OR4Q3: variants seen among roughly 807,000 people sequenced by gnomAD.
OR4Q3 encodes the protein olfactory receptor family 4 subfamily Q member 3.
In OR4Q3, 17 loss-of-function variants were observed where a neutral mutation model predicts 18.8. The ratio of observed to expected loss-of-function variants is 0.91; its 90% CI spans 0.62 to 1.36. The LOEUF is 1.36. OR4Q3 is among the 40% of genes most tolerant of loss of function. The pLI, the probability that OR4Q3 is intolerant of heterozygous loss-of-function variation, is 0.00. For synonymous variants in OR4Q3, 158 were observed against 145.8 expected (o/e 1.08, Z -0.60); for missense variants, 378 against 373.4 (o/e 1.01, Z -0.10).
At chr14:19,745,505 A>T in intron 1 of OR4Q3, among the ~76,000 whole-genome samples, 4 of 152,170 alleles carry the variant, frequency 2.6e-5, no homozygotes, top group East Asian at 3.8e-4. Context: ...AAATTATAAC[A>T]TTGTGTAGGA....
downstream of OR4Q3, among the ~76,000 whole-genome samples, chr14:19,750,488 AC>A: frequency 3.9e-5 from 6 of 152,228 alleles, no homozygotes; most frequent in African/African-American, 1.4e-4. Flanking sequence ...ATATTTTGTC[AC>A]TTTATCTCCT....
At chr14:19,748,582 G>A in exon 2 of OR4Q3, 1 of 516,614 alleles carries the variant, frequency 1.9e-6, no homozygotes, top group East Asian at 3.0e-5. Context: ...AGAGAACTCA[G>A]GAACTCAGTA....
At chr14:19,747,138 A>C in intron 1 of OR4Q3, among the ~76,000 whole-genome samples, 1 of 152,210 alleles carries the variant, frequency 6.6e-6, no homozygotes, top group African/African-American at 2.4e-5. Flanking sequence ...AGAAATGGAA[A>C]GATTAGCACT....
chr14:19,751,111 C>T, downstream of OR4Q3, among the ~76,000 whole-genome samples: 1 of 152,204 alleles, frequency 6.6e-6, no homozygotes, highest in African/African-American at 2.4e-5. Flanking sequence ...ATAGTCTTGG[C>T]AAATCATTTT....
intron 1 of OR4Q3, among the ~76,000 whole-genome samples, chr14:19,746,956 C>T: frequency 6.6e-6 from 1 of 152,140 alleles, no homozygotes; most frequent in Non-Finnish European, 1.5e-5. Flanking sequence ...TCAAAACAAT[C>T]TTGGGAGATA....
chr14:19,745,949 A>C, intron 1 of OR4Q3, among the ~76,000 whole-genome samples: 412 of 152,258 alleles, frequency 2.7e-3, no homozygotes, highest in African/African-American at 9.2e-3. Flanking sequence ...GGTCACAATC[A>C]TGGTGTGACA....
chr14:19,746,385 T>C, intron 1 of OR4Q3, among the ~76,000 whole-genome samples: 1 of 152,034 alleles, frequency 6.6e-6, no homozygotes, highest in African/African-American at 2.4e-5. Flanking sequence ...CAGGGGAAAA[T>C]GGATCTAACA....
Position 19,746,108 on chromosome 14 carries a change from C to T in OR4Q3, c.3-1298C>T. ...CATTGTCTATGTAAATACCTGATAT[C>T]TAGTATGAAGGATTTTATTGGATAA... is the stretch of plus-strand genomic sequence containing the variant. On this transcript the variant is annotated intron_variant, in intron 1 of 1. Coordinates refer to ENST00000642117, the Ensembl canonical transcript of OR4Q3. 2.6e-5 allele frequency among the ~76,000 whole-genome samples: 4 copies of T among 151,780 alleles called. No homozygotes were observed. In the Admixed American group the frequency reaches 2.6e-4, roughly 10 times the overall value.
downstream of OR4Q3, among the ~76,000 whole-genome samples, chr14:19,751,858 T>G: frequency 1.5e-3 from 228 of 152,314 alleles, 1 homozygote; most frequent in African/African-American, 5.3e-3. Flanking sequence ...ACCTTTTGTA[T>G]AGATTTTTGC....
chr14:19,748,211 C>A, exon 2 of OR4Q3: 4 of 1,614,026 alleles, frequency 2.5e-6, no homozygotes, highest in Non-Finnish European at 3.4e-6. Context: ...CTATTTGAGG[C>A]CTTTCTGCAG....
downstream of OR4Q3, among the ~76,000 whole-genome samples, chr14:19,750,370 G>A: frequency 6.6e-6 from 1 of 152,190 alleles, no homozygotes. Flanking sequence ...TTATATTTAA[G>A]ATTATCCATC....
intron 1 of OR4Q3, 109 bp from the exon 2 acceptor site, chr14:19,747,297 C>T: frequency 5.9e-6 from 3 of 504,338 alleles, no homozygotes; most frequent in Non-Finnish European, 9.3e-6. Context: ...CCCGATAAAA[C>T]TTGCTAAAAT....
exon 2 of OR4Q3, chr14:19,747,508 C>A: frequency 3.7e-6 from 6 of 1,613,664 alleles, no homozygotes; most frequent in Non-Finnish European, 5.1e-6. Context: ...AGCTATTTCT[C>A]TTCTTACTAT....
At chr14:19,748,725 C>T in exon 2 of OR4Q3, 3 of 219,724 alleles carry the variant, frequency 1.4e-5, no homozygotes, top group Non-Finnish European at 2.7e-5. Context: ...AGATATATCT[C>T]TTTTTGTGTT....
chr14:19,749,633 A>AAAAAAAAAAAAAAAAAAAAAC, downstream of OR4Q3, among the ~76,000 whole-genome samples: 1 of 136,326 alleles, frequency 7.3e-6, no homozygotes, highest in Admixed American at 7.3e-5. Flanking sequence ...AAAAAAAAAA[A>AAAAAAAAAAAAAAAAAAAAAC]AGAAAGCAAG....
intron 1 of OR4Q3, among the ~76,000 whole-genome samples, chr14:19,746,330 C>T: frequency 6.6e-6 from 1 of 152,120 alleles, no homozygotes; most frequent in South Asian, 2.1e-4. Context: ...TGTTTGTAAT[C>T]CAAGGTACTG....
downstream of OR4Q3, among the ~76,000 whole-genome samples, chr14:19,750,503 G>T: frequency 7.9e-5 from 12 of 152,132 alleles, no homozygotes; most frequent in Non-Finnish European, 1.6e-4. Flanking sequence ...ATCTCCTAAT[G>T]AATTGCCATA....
downstream of OR4Q3, among the ~76,000 whole-genome samples, chr14:19,750,473 T>A: frequency 6.6e-6 from 1 of 152,274 alleles, no homozygotes; most frequent in Non-Finnish European, 1.5e-5. Context: ...TTTACAATGT[T>A]TTTTATATTT....
chr14:19,746,279 C>G, intron 1 of OR4Q3, among the ~76,000 whole-genome samples: 1 of 152,082 alleles, frequency 6.6e-6, no homozygotes, highest in Non-Finnish European at 1.5e-5. Flanking sequence ...TAATTTTTAA[C>G]TACTTCAATG....
Sources: allele counts gnomAD v4.1 joint callset (sites outside exome capture counted in the v4.1 genomes callset), GRCh38; gene constraint gnomAD v4.1.1; transcripts MANE v1.5; gene names NCBI Gene and HGNC (gene_info 2026-07-23, HGNC 2026-07-21).